SLC25A37: variants seen among roughly 807,000 people sequenced by gnomAD.
SLC25A37 encodes solute carrier family 25 member 37, also known as mitoferrin-1.
SLC25A37 carries 17 observed loss-of-function variants against 31.0 expected under a neutral mutation model. That is an observed-to-expected ratio of 0.55 (90% CI 0.38 to 0.82). The LOEUF (loss-of-function observed/expected upper bound fraction) is 0.82. SLC25A37 is among the 40% of genes least tolerant of loss of function. The pLI is 0.00. For missense variants in SLC25A37, 404 were observed against 465.8 expected (o/e 0.87, Z 1.22); for synonymous variants, 222 against 193.0 (o/e 1.15, Z -1.24).
chr8:23,538,702 G>A (rs192321724), intron 1 of SLC25A37, among the ~76,000 whole-genome samples: 2 of 152,242 alleles, frequency 1.3e-5, no homozygotes, highest in Admixed American at 6.5e-5. Flanking sequence ...CCTGGTCCCC[G>A]TTCTCAAAGT....
chr8:23,558,775 T>TG (rs1802433484), intron 1 of SLC25A37, among the ~76,000 whole-genome samples: 1 of 152,186 alleles, frequency 6.6e-6, no homozygotes, highest in Non-Finnish European at 1.5e-5. Flanking sequence ...CAGAGACCCT[T>TG]GTCTCTTGAT....
intron 1 of SLC25A37, chr8:23,531,825 C>T (rs1458366431): frequency 6.6e-6 from 1 of 152,170 alleles, no homozygotes; most frequent in Non-Finnish European, 1.5e-5. Context: ...GAGGTCACAC[C>T]TCACATCCCC....
At chr8:23,542,503 C>T (rs2117398660) in intron 1 of SLC25A37, among the ~76,000 whole-genome samples, 1 of 151,594 alleles carries the variant, frequency 6.6e-6, no homozygotes, top group Admixed American at 6.6e-5. Flanking sequence ...CTCAGCTTCC[C>T]AGAGTAGCTG....
At chr8:23,543,026 A>G (rs1263596632) in intron 1 of SLC25A37, 4 of 152,254 alleles carry the variant, frequency 2.6e-5, no homozygotes, top group African/African-American at 7.2e-5. Context: ...TGAAATTTAT[A>G]AAACAAAAAC....
chr8:23,557,714 G>T (rs1802405407), intron 1 of SLC25A37, among the ~76,000 whole-genome samples: 1 of 152,196 alleles, frequency 6.6e-6, no homozygotes, highest in African/African-American at 2.4e-5. Context: ...GCAGGGTGAG[G>T]CTTGGAAAAC....
chr8:23,566,654 C>A, intron 2 of SLC25A37: 4 of 1,071,608 alleles, frequency 3.7e-6, no homozygotes, highest in Non-Finnish European at 4.5e-6. Context: ...CATTCAAAAG[C>A]AATTAATGAT....
chr8:23,543,723 T>C (rs1801960778), intron 1 of SLC25A37, among the ~76,000 whole-genome samples: 9 of 151,984 alleles, frequency 5.9e-5, no homozygotes. Flanking sequence ...TTAGTAGAGA[T>C]GGGGTTTCGC....
chr8:23,566,798 A>T (rs1802673613), intron 2 of SLC25A37: 2 of 987,112 alleles, frequency 2.0e-6, no homozygotes, highest in Non-Finnish European at 2.4e-6. Flanking sequence ...GCCAAGATCT[A>T]ACTAAGCTTT....
intron 1 of SLC25A37, among the ~76,000 whole-genome samples, chr8:23,532,216 G>A (rs528214831): frequency 6.6e-6 from 1 of 152,178 alleles, no homozygotes; most frequent in Non-Finnish European, 1.5e-5. Flanking sequence ...CCCATGGTGG[G>A]ATGTGAGCAC....
In SLC25A37 at chr8:23,548,991, C is replaced by T. The variant is rs541724412; in HGVS notation, c.211-17117C>T. Reference sequence around the variant, plus strand: ...ACCTTCAGTGGTCACTGCCAGGACCCCTCCCCAAATCTAAATGAGGTCCCC... The same window carrying T: ...ACCTTCAGTGGTCACTGCCAGGACCTCTCCCCAAATCTAAATGAGGTCCCC... On this transcript the variant is annotated intron_variant, in intron 1 of 3. Transcript: ENST00000519973. Among the ~76,000 whole-genome samples the T allele has an allele frequency of 1.4e-4, 22 of 152,284 alleles. No individual in the cohort carries two copies. In the South Asian group the frequency reaches 4.6e-3, roughly 32 times the overall value.
intron 2 of SLC25A37, chr8:23,567,126 G>A (rs1802684533): frequency 6.6e-6 from 1 of 152,110 alleles, no homozygotes; most frequent in South Asian, 2.1e-4. Context: ...AATATGGATA[G>A]CAGCATAAAG....
chr8:23,559,831 T>C (rs1212781946), intron 1 of SLC25A37, among the ~76,000 whole-genome samples: 1 of 152,248 alleles, frequency 6.6e-6, no homozygotes, highest in Non-Finnish European at 1.5e-5. Flanking sequence ...GTCAGAATTT[T>C]CTTTCCTTTT....
chr8:23,568,484 A>C (rs1802728301), intron 3 of SLC25A37, 106 bp downstream of exon 3: 7 of 1,252,944 alleles, frequency 5.6e-6, no homozygotes, highest in East Asian at 2.3e-5. Flanking sequence ...AGCGGCTCCT[A>C]GTCTCCAGTC....
chr8:23,557,581 A>G (rs1260209557), intron 1 of SLC25A37, among the ~76,000 whole-genome samples: 1 of 152,000 alleles, frequency 6.6e-6, no homozygotes, highest in Non-Finnish European at 1.5e-5. Flanking sequence ...TTTCTGGACA[A>G]TTGTGGATGG....
At chr8:23,547,963 C>T (rs1487614063) in intron 1 of SLC25A37, among the ~76,000 whole-genome samples, 1 of 152,188 alleles carries the variant, frequency 6.6e-6, no homozygotes. Flanking sequence ...GAAGCTGAGT[C>T]ATCCAGGGGT....
intron 1 of SLC25A37, among the ~76,000 whole-genome samples, chr8:23,555,099 C>T (rs1047231238): frequency 3.3e-5 from 5 of 152,132 alleles, no homozygotes; most frequent in Admixed American, 2.6e-4. Flanking sequence ...TGCTTCTCTA[C>T]CCTCACCTGA....
At chr8:23,542,784 T>C (rs767620069) in intron 1 of SLC25A37, among the ~76,000 whole-genome samples, 24 of 151,708 alleles carry the variant, frequency 1.6e-4, no homozygotes, top group Non-Finnish European at 2.4e-4. Flanking sequence ...GCCAGCTGCA[T>C]TGGGACAAGA....
chr8:23,531,451 C>T (rs1427533051), intron 1 of SLC25A37, among the ~76,000 whole-genome samples: 2 of 152,248 alleles, frequency 1.3e-5, no homozygotes, highest in African/African-American at 4.8e-5. Context: ...TGGACCTGCT[C>T]AGTCCCTCTC....
At chr8:23,570,412 G>C (rs1464913695) in intron 3 of SLC25A37, among the ~76,000 whole-genome samples, 1 of 151,778 alleles carries the variant, frequency 6.6e-6, no homozygotes, top group Admixed American at 6.6e-5. Context: ...GCGGTGGTGG[G>C]GGGTGGGGTG....
Sources: allele counts gnomAD v4.1 joint callset (sites outside exome capture counted in the v4.1 genomes callset), GRCh38; gene constraint gnomAD v4.1.1; transcripts MANE v1.5; gene names NCBI Gene and HGNC (gene_info 2026-07-23, HGNC 2026-07-21).